The following LRRC7 variants were observed in gnomAD, a reference collection of about 807,000 sequenced individuals.
LRRC7 encodes leucine-rich repeat-containing protein 7.
In LRRC7, 23 loss-of-function variants were observed where a neutral mutation model predicts 175.7. The ratio of observed to expected loss-of-function variants is 0.13; its 90% confidence interval spans 0.09 to 0.19. The LOEUF (loss-of-function observed/expected upper bound fraction) is 0.19. Among genes scored for constraint, LRRC7 ranks in the 10% least tolerant of loss-of-function variants. The probability of loss-of-function intolerance (pLI) is 1.00; values close to 1 mark genes in which losing one functional copy is unlikely to be tolerated. For missense variants in LRRC7, 1,354 were observed against 1,904.7 expected (o/e 0.71, Z 5.38); for synonymous variants, 685 against 680.9 (o/e 1.01, Z -0.09).
At chr1:69,893,964 TCGGCTA>T (rs140672433) in intron 7 of LRRC7, among the ~76,000 whole-genome samples, 58 of 152,292 alleles carry the variant, frequency 3.8e-4, no homozygotes, top group African/African-American at 1.1e-3. Context: ...GTGGGAGGCA[TCGGCTA>T]CTGAATGTCA....
intron 7 of LRRC7, among the ~76,000 whole-genome samples, chr1:69,903,675 G>C (rs1646207054): frequency 6.6e-6 from 1 of 152,218 alleles, no homozygotes; most frequent in East Asian, 1.9e-4. Flanking sequence ...AATTGAAGGA[G>C]ATAGAGACAC....
chr1:70,103,063 T>C (rs1438187038), intron 25 of LRRC7, among the ~76,000 whole-genome samples: 2 of 151,972 alleles, frequency 1.3e-5, no homozygotes, highest in African/African-American at 4.8e-5. Context: ...ACCCTGTCTC[T>C]ACTAAAAATA....
Position 69,636,767 on chromosome 1 carries a change from G to A in LRRC7, c.3-41614G>A, listed in dbSNP as rs60803229. Among the ~76,000 whole-genome samples, 991 of 151,934 alleles carry A rather than the reference G, an allele frequency of 6.5e-3. 5 individuals carry two copies. Among genetic ancestry groups the A allele is most frequent in the African/African-American group, 0.023 (938 of 41,482 alleles). ...AAAATATTTCTGCACATGTTGAAGT[G>A]GTTGTATTATTTTTATCCTTTAATA... is the stretch of plus-strand genomic sequence containing the variant. On this transcript the variant is annotated intron_variant, in intron 1 of 26. Transcript: ENST00000651989.
At chr1:69,705,949 C>T (rs1663981376) in intron 2 of LRRC7, among the ~76,000 whole-genome samples, 1 of 151,998 alleles carries the variant, frequency 6.6e-6, no homozygotes, top group South Asian at 2.1e-4. Flanking sequence ...CCACATCTTC[C>T]CTCCAAAAAA....
intron 23 of LRRC7, among the ~76,000 whole-genome samples, chr1:70,074,145 T>C (rs1200530091): frequency 1.3e-5 from 2 of 150,130 alleles, no homozygotes; most frequent in African/African-American, 4.9e-5. Context: ...GAGGATGCAG[T>C]GCACCAAGAT....
chr1:69,698,805 A>G (rs1662955424), intron 2 of LRRC7, among the ~76,000 whole-genome samples: 1 of 152,222 alleles, frequency 6.6e-6, no homozygotes, highest in Non-Finnish European at 1.5e-5. Flanking sequence ...TTTAATTCAC[A>G]TAACATGGTC....
At chr1:69,852,706 A>T (rs950875971) in intron 7 of LRRC7, among the ~76,000 whole-genome samples, 1 of 152,212 alleles carries the variant, frequency 6.6e-6, no homozygotes, top group African/African-American at 2.4e-5. Flanking sequence ...AATTGAACAT[A>T]TTATCAATTT....
At chr1:69,659,717 A>G (rs572500532) in intron 1 of LRRC7, among the ~76,000 whole-genome samples, 1 of 149,890 alleles carries the variant, frequency 6.7e-6, no homozygotes, top group Non-Finnish European at 1.5e-5. Context: ...CACACTTTAA[A>G]GAAAATTCTA....
At chr1:70,051,251 A>G (rs946677288) in intron 22 of LRRC7, among the ~76,000 whole-genome samples, 1 of 152,046 alleles carries the variant, frequency 6.6e-6, no homozygotes, top group East Asian at 1.9e-4. Flanking sequence ...AATTGTGGCC[A>G]CTTCTTAAAA....
chr1:69,587,384 C>T (rs911301605), intron 1 of LRRC7, among the ~76,000 whole-genome samples: 2 of 152,152 alleles, frequency 1.3e-5, no homozygotes, highest in African/African-American at 4.8e-5. Flanking sequence ...TCACTGATCC[C>T]TCACTTCCTT....
At chr1:69,632,337 A>C (rs549886400) in intron 1 of LRRC7, among the ~76,000 whole-genome samples, 5 of 152,294 alleles carry the variant, frequency 3.3e-5, no homozygotes, top group Admixed American at 3.3e-4. Flanking sequence ...ACCTAGCACA[A>C]TACTTGCACT....
chr1:70,000,631 C>G (rs1655433548), intron 11 of LRRC7, among the ~76,000 whole-genome samples: 1 of 152,218 alleles, frequency 6.6e-6, no homozygotes, highest in African/African-American at 2.4e-5. Flanking sequence ...GGGCTTTTCC[C>G]TGTCTCAGGG....
In LRRC7 at chr1:69,678,361, C is replaced by T. The variant is rs1408580972; in HGVS notation, c.3-20C>T. 4.0e-6 allele frequency: 6 copies of T among 1,495,246 alleles called. No individual in the cohort carries two copies. The highest frequency in any genetic ancestry group is 3.8e-5 in the Admixed American group (2 of 52,966). The allele number at this position is 1,495,246 out of a possible 1,614,324, so 92.6% of individuals were successfully genotyped here. A position where few individuals can be genotyped will look rare whatever the true frequency, so the allele number is the denominator to read the frequency against. ...CCAAAAAAAAGAGTATGAAAATACT[C>T]TTCTGATTCTCTCTTATAGGATGGA... is the stretch of plus-strand genomic sequence containing the variant. On this transcript the variant is annotated intron_variant, in intron 1 of 26. Transcript: ENST00000651989.
In LRRC7 at chr1:69,868,873, C is replaced by A. The variant is rs182781559; in HGVS notation, c.647+30590C>A. 5.0e-3 allele frequency among the ~76,000 whole-genome samples: 763 copies of A among 151,432 alleles called. 9 individuals are homozygous for A. The highest frequency in any genetic ancestry group is 0.018 in the African/African-American group (740 of 41,340). On this transcript the variant is annotated intron_variant, in intron 7 of 26. Coordinates refer to ENST00000651989, the MANE Select transcript of LRRC7 (RefSeq NM_001370785.2). ...CCCCATGTCTTTACATGATTTCTCT[C>A]TCTATCTATCTATCTATCTATATAT...
intron 23 of LRRC7, among the ~76,000 whole-genome samples, chr1:70,065,616 C>T (rs1274910714): frequency 1.3e-5 from 2 of 151,916 alleles, no homozygotes; most frequent in Non-Finnish European, 2.9e-5. Context: ...ATACAGACTC[C>T]TCTCTTTACC....
At chr1:69,712,848 A>T (rs1284752017) in intron 2 of LRRC7, among the ~76,000 whole-genome samples, 1 of 152,100 alleles carries the variant, frequency 6.6e-6, no homozygotes, top group African/African-American at 2.4e-5. Flanking sequence ...TGCATTAGCC[A>T]TGGAAAGGCC....
chr1:69,620,003 C>G (rs1650299919), intron 1 of LRRC7, among the ~76,000 whole-genome samples: 1 of 152,118 alleles, frequency 6.6e-6, no homozygotes, highest in Non-Finnish European at 1.5e-5. Flanking sequence ...CTTCAAGAAA[C>G]AATGAACTTT....
intron 1 of LRRC7, among the ~76,000 whole-genome samples, chr1:69,671,429 T>A (rs1740892): frequency 0.22 from 33,720 of 151,696 alleles, 3,844 homozygotes; most frequent in South Asian, 0.29. Context: ...AAGGAGTGAG[T>A]CTCTTTTGGA....
intron 7 of LRRC7, chr1:69,873,693 T>G: frequency 7.6e-6 from 2 of 262,054 alleles, no homozygotes; most frequent in South Asian, 7.4e-5. Context: ...CTGCCTAGTA[T>G]CTACAAAATG....
Sources: allele counts gnomAD v4.1 joint callset (sites outside exome capture counted in the v4.1 genomes callset), GRCh38; gene constraint gnomAD v4.1.1; transcripts MANE v1.5; gene names NCBI Gene and HGNC (gene_info 2026-07-23, HGNC 2026-07-21).